Variants in CMTM7 observed in about 807,000 individuals in gnomAD.
The protein encoded by CMTM7 is CKLF-like MARVEL transmembrane domain-containing protein 7.
A neutral mutation model predicts 19.3 loss-of-function variants in CMTM7; 7 were observed. That is an observed-to-expected ratio of 0.36 (90% CI 0.21 to 0.68). The LOEUF is 0.68. Ranked by LOEUF, CMTM7 falls within the 30% of genes least tolerant of loss-of-function variation. The pLI, the probability that CMTM7 is intolerant of heterozygous loss-of-function variation, is 0.60. For missense variants in CMTM7, 193 were observed against 232.6 expected (o/e 0.83, Z 1.11); for synonymous variants, 87 against 99.3 (o/e 0.88, Z 0.74).
chr3:32,444,398 T>G lies in CMTM7; in HGVS notation c.333+2385T>G, dbSNP rs143404206. Among the ~76,000 whole-genome samples the G allele has an allele frequency of 3.8e-3, 580 of 152,374 alleles. 5 individuals are homozygous for G. The highest frequency in any genetic ancestry group is 3.5e-3 in the South Asian group (17 of 4,834). ...CATGGATTTAGTTCTGGACTCTCAATTCTATTCCATTGATCTATGTGTCTG... is the reference window on the plus strand; with the variant it reads ...CATGGATTTAGTTCTGGACTCTCAAGTCTATTCCATTGATCTATGTGTCTG... On this transcript the variant is annotated intron_variant, in intron 2 of 4. Transcript: ENST00000334983.
intron 1 of CMTM7, among the ~76,000 whole-genome samples, chr3:32,423,451 G>A (rs571800175): frequency 6.6e-6 from 1 of 152,272 alleles, no homozygotes; most frequent in East Asian, 1.9e-4. Context: ...GGTAGGGGCC[G>A]AGAGGAGGGT....
intron 1 of CMTM7, among the ~76,000 whole-genome samples, chr3:32,438,581 G>A (rs1055759718): frequency 6.6e-6 from 1 of 152,052 alleles, no homozygotes; most frequent in Non-Finnish European, 1.5e-5. Context: ...TTAGGAGCAC[G>A]CATAAGCACA....
At chr3:32,398,922 G>A (rs896176319) in intron 1 of CMTM7, among the ~76,000 whole-genome samples, 1 of 152,132 alleles carries the variant, frequency 6.6e-6, no homozygotes, top group African/African-American at 2.4e-5. Flanking sequence ...AGGCTGCAGT[G>A]AGTGGTGATC....
At chr3:32,436,757 C>G (rs554823402) in intron 1 of CMTM7, among the ~76,000 whole-genome samples, 1 of 152,174 alleles carries the variant, frequency 6.6e-6, no homozygotes, top group Admixed American at 6.5e-5. Flanking sequence ...CTCAGTGGAC[C>G]AGACTTGGCA....
chr3:32,422,677 A>G (rs985758660), intron 1 of CMTM7, among the ~76,000 whole-genome samples: 1 of 152,244 alleles, frequency 6.6e-6, no homozygotes, highest in African/African-American at 2.4e-5. Flanking sequence ...TTTGCTAGAT[A>G]ACAAATACAG....
chr3:32,392,404 T>C (rs1424132736), intron 1 of CMTM7, among the ~76,000 whole-genome samples: 1 of 152,162 alleles, frequency 6.6e-6, no homozygotes, highest in African/African-American at 2.4e-5. Context: ...TTCTTCCTCT[T>C]CTCTGGGCCG....
chr3:32,415,878 C>T (rs1012737700), intron 1 of CMTM7, among the ~76,000 whole-genome samples: 5 of 152,202 alleles, frequency 3.3e-5, no homozygotes, highest in African/African-American at 1.2e-4. Context: ...TAGATTAGCA[C>T]AGGTCTGTGT....
chr3:32,394,654 G>C (rs547229778), intron 1 of CMTM7, among the ~76,000 whole-genome samples: 1 of 152,264 alleles, frequency 6.6e-6, no homozygotes, highest in African/African-American at 2.4e-5. Context: ...TTTTGGAGTA[G>C]AGACACAGTC....
At chr3:32,429,739 T>C (rs1233961200) in intron 1 of CMTM7, among the ~76,000 whole-genome samples, 1 of 151,848 alleles carries the variant, frequency 6.6e-6, no homozygotes, top group Non-Finnish European at 1.5e-5. Context: ...TAGCTGGGAC[T>C]ACAGGCGCCC....
At chr3:32,403,439 C>T (rs1376558508) in intron 1 of CMTM7, among the ~76,000 whole-genome samples, 1 of 152,106 alleles carries the variant, frequency 6.6e-6, no homozygotes, top group Non-Finnish European at 1.5e-5. Context: ...TCTTGAACTC[C>T]TAGGCTCAAG....
At chr3:32,417,949 A>G (rs647511) in intron 1 of CMTM7, among the ~76,000 whole-genome samples, 63,808 of 151,926 alleles carry the variant, frequency 0.42, 13,671 homozygotes, top group South Asian at 0.47. Flanking sequence ...AGCCTCCTGA[A>G]TAGCTGGGAC....
intron 1 of CMTM7, among the ~76,000 whole-genome samples, chr3:32,423,400 T>C (rs1362999229): frequency 6.6e-6 from 1 of 152,206 alleles, no homozygotes; most frequent in Non-Finnish European, 1.5e-5. Flanking sequence ...AATGGAATCT[T>C]ACAGAGAACA....
At chr3:32,420,362 G>T (rs999146969) in intron 1 of CMTM7, among the ~76,000 whole-genome samples, 11 of 152,254 alleles carry the variant, frequency 7.2e-5, no homozygotes, top group African/African-American at 2.7e-4. Flanking sequence ...CAGGCCGGGT[G>T]AGGGGAAATG....
intron 2 of CMTM7, among the ~76,000 whole-genome samples, chr3:32,445,025 G>A (rs984184306): frequency 3.3e-5 from 5 of 152,104 alleles, no homozygotes. Context: ...AAGTGCATAG[G>A]AATCCAATTA....
chr3:32,426,189 C>T (rs1356439688), intron 1 of CMTM7, among the ~76,000 whole-genome samples: 1 of 152,044 alleles, frequency 6.6e-6, no homozygotes, highest in African/African-American at 2.4e-5. Flanking sequence ...TTTGCCTGAG[C>T]AAACTAGAAT....
At position 32,415,602 on chromosome 3, in the gene CMTM7, A is replaced by G. The variant is rs139033642; in HGVS notation, c.159+23537A>G. 1.8e-3 allele frequency among the ~76,000 whole-genome samples: 270 copies of G among 152,298 alleles called. 3 individuals are homozygous for G. Among genetic ancestry groups the G allele is most frequent in the African/African-American group, 6.3e-3 (261 of 41,552 alleles). On this transcript the variant is annotated intron_variant, in intron 1 of 4. Coordinates refer to ENST00000334983, the MANE Select transcript of CMTM7 (RefSeq NM_138410.4). The stretch of plus-strand genomic sequence containing the variant: ...CTATGCCTCAGTTCCCTCTTCCGTG[A>G]GATGGGGGTGATAATATTACCTGCT...
At chr3:32,406,177 G>A (rs61366894) in intron 1 of CMTM7, among the ~76,000 whole-genome samples, 1 of 152,014 alleles carries the variant, frequency 6.6e-6, no homozygotes, top group South Asian at 2.1e-4. Flanking sequence ...GAAGGTGTCC[G>A]CATTCTCCTC....
chr3:32,410,499 C>A (rs780805338), intron 1 of CMTM7, among the ~76,000 whole-genome samples: 2 of 152,166 alleles, frequency 1.3e-5, no homozygotes, highest in East Asian at 3.9e-4. Context: ...TGTCAGACAC[C>A]TGCTGAGGGA....
At chr3:32,433,315 T>C (rs1399656328) in intron 1 of CMTM7, among the ~76,000 whole-genome samples, 1 of 152,204 alleles carries the variant, frequency 6.6e-6, no homozygotes, top group Non-Finnish European at 1.5e-5. Context: ...GGTGAATCAG[T>C]GATGTGATTG....
Sources: gnomAD v4.1 joint callset for allele counts (sites outside exome capture counted in the v4.1 genomes callset) on GRCh38, gnomAD v4.1.1 for gene constraint, MANE v1.5 for transcripts, NCBI Gene and HGNC (gene_info 2026-07-23, HGNC 2026-07-21) for gene names.